VPS8: variants seen among roughly 807,000 people sequenced by gnomAD.
VPS8 encodes the protein VPS8 subunit of CORVET complex, also known as vacuolar protein sorting-associated protein 8 homolog.
In VPS8, 129 loss-of-function variants were observed where a neutral mutation model predicts 216.4. The ratio of observed to expected loss-of-function variants is 0.60; its 90% confidence interval spans 0.52 to 0.69. The LOEUF (loss-of-function observed/expected upper bound fraction) is 0.69. Among genes scored for constraint, VPS8 ranks in the 30% least tolerant of loss-of-function variants. The pLI is 0.00. For synonymous variants in VPS8, 571 were observed against 565.4 expected (o/e 1.01, Z -0.14); for missense variants, 1,531 against 1,683.5 (o/e 0.91, Z 1.59).
At chr3:185,051,660 A>C (rs1408178302) in intron 47 of VPS8, among the ~76,000 whole-genome samples, 2 of 152,194 alleles carry the variant, frequency 1.3e-5, no homozygotes, top group Non-Finnish European at 2.9e-5. Context: ...GTCCAGTCTC[A>C]TTATTGAATG....
intron 37 of VPS8, among the ~76,000 whole-genome samples, chr3:184,961,559 C>G (rs1269700943): frequency 5.3e-5 from 8 of 151,988 alleles, no homozygotes; most frequent in Non-Finnish European, 1.2e-4. Context: ...CTTATTCCCC[C>G]CTCTCCCCTG....
intron 46 of VPS8, among the ~76,000 whole-genome samples, chr3:185,041,303 G>A (rs531078182): frequency 6.6e-6 from 1 of 152,046 alleles, no homozygotes; most frequent in Non-Finnish European, 1.5e-5. Context: ...GCAACTGAGA[G>A]CTAATGGCTG....
chr3:184,950,591 T>A (rs1485411585), intron 36 of VPS8, among the ~76,000 whole-genome samples: 1 of 152,166 alleles, frequency 6.6e-6, no homozygotes, highest in Non-Finnish European at 1.5e-5. Flanking sequence ...GTTATTTATT[T>A]TTTAATTTTT....
intron 36 of VPS8, among the ~76,000 whole-genome samples, chr3:184,945,155 T>C (rs929108033): frequency 3.3e-5 from 5 of 151,300 alleles, no homozygotes; most frequent in South Asian, 4.2e-4. Flanking sequence ...CTCTCTCTCT[T>C]TCTCTCTCTC....
At chr3:184,826,747 A>G (rs537794717) in intron 3 of VPS8, among the ~76,000 whole-genome samples, 1 of 152,388 alleles carries the variant, frequency 6.6e-6, no homozygotes, top group South Asian at 2.1e-4. Context: ...CTCTGACGCT[A>G]AAGAACATCT....
intron 21 of VPS8, among the ~76,000 whole-genome samples, chr3:184,876,511 A>C (rs1047626220): frequency 3.3e-5 from 5 of 152,130 alleles, no homozygotes; most frequent in African/African-American, 1.2e-4. Flanking sequence ...TGGCTATCTA[A>C]CCAGTGTTAA....
intron 28 of VPS8, among the ~76,000 whole-genome samples, chr3:184,918,218 T>C (rs1737957341): frequency 6.6e-6 from 1 of 152,188 alleles, no homozygotes; most frequent in South Asian, 2.1e-4. Flanking sequence ...GCCAGAAATA[T>C]TTACTGTCTG....
intron 41 of VPS8, among the ~76,000 whole-genome samples, 168 bp from the exon 42 acceptor site, chr3:184,982,844 T>C (rs962526670): frequency 1.3e-5 from 2 of 152,214 alleles, no homozygotes; most frequent in African/African-American, 4.8e-5. Flanking sequence ...TCTTAAGTAA[T>C]TGTAGTCTTT....
rs73067304 is a variant in VPS8 at position 184,996,911 on chromosome 3, A to G, written c.3836+410A>G. 9.0e-3 allele frequency among the ~76,000 whole-genome samples: 1,378 copies of G among 152,278 alleles called. 24 individuals are homozygous for G. Among genetic ancestry groups the G allele is most frequent in the African/African-American group, 0.032 (1,322 of 41,562 alleles). On this transcript the variant is annotated intron_variant, in intron 44 of 47. Coordinates refer to ENST00000625842, the MANE Select transcript of VPS8 (RefSeq NM_001009921.3). ...GTATTAGATGTGGAGTATAAGAGAA[A>G]AATGAATCTTTGGTCTGAGCAATTG...
chr3:185,013,484 T>G lies in VPS8; in HGVS notation c.4003-10852T>G, dbSNP rs149567962. On this transcript the variant is annotated intron_variant, in intron 45 of 47. Transcript: ENST00000625842. ...ATGGGTTACTAGCTGCTAATTTGTC[T>G]GCAGCTCCTTCAAGCACTCCAGTTC... Among the ~76,000 whole-genome samples, 1,348 of 152,362 alleles carry G rather than the reference T, an allele frequency of 8.8e-3. 18 individuals are homozygous for G. The highest frequency in any genetic ancestry group is 0.031 in the African/African-American group (1,272 of 41,588).
At chr3:184,933,549 T>G (rs919731098) in intron 34 of VPS8, among the ~76,000 whole-genome samples, 7 of 140,876 alleles carry the variant, frequency 5.0e-5, no homozygotes, top group South Asian at 4.3e-4. Flanking sequence ...GTGTGTGTGT[T>G]TTTAAGTGGT....
chr3:184,847,465 T>G lies in VPS8; in HGVS notation c.542-1606T>G, dbSNP rs75758012. 4.1e-3 allele frequency among the ~76,000 whole-genome samples: 624 copies of G among 152,310 alleles called. 7 individuals carry two copies. Among genetic ancestry groups the G allele is most frequent in the African/African-American group, 0.014 (571 of 41,572 alleles). On this transcript the variant is annotated intron_variant, in intron 8 of 47. Coordinates refer to ENST00000625842, the MANE Select transcript of VPS8 (RefSeq NM_001009921.3). ...AAGCACAAGGCATTAAGCAAGGTGCTTTGGGAGTGTTAATTCACTCATGAT... is the reference window on the plus strand; with the variant it reads ...AAGCACAAGGCATTAAGCAAGGTGCGTTGGGAGTGTTAATTCACTCATGAT...
rs1371352980 is a variant in VPS8 at position 184,852,381 on chromosome 3, G to A, written c.754-119G>A. On this transcript the variant is annotated intron_variant, in intron 10 of 47. Coordinates refer to ENST00000625842, the MANE Select transcript of VPS8 (RefSeq NM_001009921.3). ...AGTGATGAGCACTGAATCTAGTTTAGGTTATTTCAAAAGCTATTAAATGTG... is the reference window on the plus strand; with the variant it reads ...AGTGATGAGCACTGAATCTAGTTTAAGTTATTTCAAAAGCTATTAAATGTG... 2.6e-5 allele frequency: 20 copies of A among 776,372 alleles called. No individual in the cohort carries two copies. In the East Asian group the frequency reaches 5.1e-4, roughly 20 times the overall value. The allele number at this position is 776,372 out of a possible 1,614,324, so 48.1% of individuals were successfully genotyped here. A position where few individuals can be genotyped will look rare whatever the true frequency, so the allele number is the denominator to read the frequency against.
intron 46 of VPS8, among the ~76,000 whole-genome samples, chr3:185,027,859 C>T (rs1026248939): frequency 6.6e-6 from 1 of 152,132 alleles, no homozygotes; most frequent in Admixed American, 6.5e-5. Flanking sequence ...GGGCAGCATT[C>T]CTTTGTGATC....
At chr3:185,000,199 A>G (rs1753212149) in intron 45 of VPS8, among the ~76,000 whole-genome samples, 1 of 152,212 alleles carries the variant, frequency 6.6e-6, no homozygotes, top group Non-Finnish European at 1.5e-5. Flanking sequence ...GCAGGTACCA[A>G]TGAGTACCTA....
At chr3:184,916,372 C>A (rs1381902946) in intron 28 of VPS8, among the ~76,000 whole-genome samples, 1 of 151,884 alleles carries the variant, frequency 6.6e-6, no homozygotes, top group Non-Finnish European at 1.5e-5. Flanking sequence ...GCAGCAGGCA[C>A]ACGAATATGC....
chr3:184,830,661 C>G (rs1040097799), intron 3 of VPS8, among the ~76,000 whole-genome samples: 2 of 152,094 alleles, frequency 1.3e-5, no homozygotes, highest in Non-Finnish European at 1.5e-5. Flanking sequence ...GATCCATTTT[C>G]TTTAATTATG....
rs150254323 is a variant in VPS8, at chr3:184,901,374, A to G, written c.2146+402A>G. 3.0e-5 allele frequency: 5 copies of G among 164,858 alleles called. No homozygotes were observed. The East Asian group carries it at 9.1e-4, about 30-fold the overall frequency. 10.2% of individuals were successfully genotyped at this position (164,858 alleles called of 1,614,324 possible). On this transcript the variant is annotated intron_variant, in intron 25 of 47. Transcript: ENST00000625842. ...CCCTTTTACCACTGAATGATAGTCCATGGATTGAATATACCATAAGCTGTT... is the reference window on the plus strand; with the variant it reads ...CCCTTTTACCACTGAATGATAGTCCGTGGATTGAATATACCATAAGCTGTT...
chr3:184,926,837 T>A (rs1280076401), intron 31 of VPS8, among the ~76,000 whole-genome samples, 187 bp downstream of exon 31: 3 of 152,168 alleles, frequency 2.0e-5, no homozygotes, highest in Non-Finnish European at 4.4e-5. Flanking sequence ...TGTAAGAAGC[T>A]TATATCAAAC....
Sources: gnomAD v4.1 joint callset for allele counts (sites outside exome capture counted in the v4.1 genomes callset) on GRCh38, gnomAD v4.1.1 for gene constraint, MANE v1.5 for transcripts, NCBI Gene and HGNC (gene_info 2026-07-23, HGNC 2026-07-21) for gene names.